Variants in KDM4A observed in about 807,000 individuals in gnomAD.
The protein encoded by KDM4A is lysine-specific demethylase 4A.
In KDM4A, 23 loss-of-function variants were observed where a neutral mutation model predicts 127.1. The ratio of observed to expected loss-of-function variants is 0.18; its 90% confidence interval spans 0.13 to 0.26. KDM4A has a LOEUF of 0.26. KDM4A is among the 10% of genes least tolerant of loss of function. The pLI, the probability that KDM4A is intolerant of heterozygous loss-of-function variation, is 1.00. For missense variants in KDM4A, 890 were observed against 1,329.1 expected (o/e 0.67, Z 5.14); for synonymous variants, 443 against 466.5 (o/e 0.95, Z 0.65).
intron 19 of KDM4A, chr1:43,702,135 C>CT (rs763855377): frequency 6.6e-6 from 1 of 152,152 alleles, no homozygotes; most frequent in Non-Finnish European, 1.5e-5. Context: ...GTGACAAAGG[C>CT]TAATAGTTTA....
chr1:43,657,085 T>C (rs1474190669), intron 3 of KDM4A, among the ~76,000 whole-genome samples: 1 of 151,718 alleles, frequency 6.6e-6, no homozygotes, highest in Non-Finnish European at 1.5e-5. Context: ...TATTTTTTAT[T>C]ATTTGCTGCC....
At chr1:43,697,025 A>T (rs567583799) in intron 18 of KDM4A, among the ~76,000 whole-genome samples, 1 of 152,366 alleles carries the variant, frequency 6.6e-6, no homozygotes, top group East Asian at 1.9e-4. Context: ...ATTAAGTCAG[A>T]TAAGGGGAAT....
intron 4 of KDM4A, among the ~76,000 whole-genome samples, chr1:43,661,038 G>A (rs11590619): frequency 6.6e-6 from 1 of 151,172 alleles, no homozygotes; most frequent in African/African-American, 2.4e-5. Flanking sequence ...GCAATGGCGC[G>A]ATCTCAGCTT....
At chr1:43,700,560 A>G (rs1661363310) in intron 19 of KDM4A, among the ~76,000 whole-genome samples, 1 of 151,072 alleles carries the variant, frequency 6.6e-6, no homozygotes, top group South Asian at 2.1e-4. Context: ...TTGTTGACCA[A>G]GCACCTCCCG....
intron 11 of KDM4A, among the ~76,000 whole-genome samples, chr1:43,683,327 G>A (rs1388797007): frequency 6.6e-6 from 1 of 152,200 alleles, no homozygotes; most frequent in Non-Finnish European, 1.5e-5. Flanking sequence ...TAGGCTCCTT[G>A]GGGGCTCTCT....
intron 11 of KDM4A, among the ~76,000 whole-genome samples, chr1:43,676,513 G>T (rs1352825708): frequency 6.6e-6 from 1 of 152,144 alleles, no homozygotes; most frequent in Middle Eastern, 3.4e-3. Context: ...TAGAGACAGG[G>T]TTTCACCATC....
chr1:43,700,592 G>A (rs1285455440), intron 19 of KDM4A, among the ~76,000 whole-genome samples: 1 of 152,040 alleles, frequency 6.6e-6, no homozygotes, highest in East Asian at 1.9e-4. Flanking sequence ...CTACAGGCAT[G>A]CATGGCTATT....
At chr1:43,672,014 C>T in intron 11 of KDM4A, 139 bp downstream of exon 11, 1 of 953,424 alleles carries the variant, frequency 1.0e-6, no homozygotes, top group Non-Finnish European at 1.4e-6. Context: ...TCAGTCAGTG[C>T]CTCTAGCCAG....
In KDM4A at chr1:43,700,550, T is replaced by C. The variant is rs112297569; in HGVS notation, c.2841+2537T>C. Among the ~76,000 whole-genome samples the C allele has an allele frequency of 1.0e-3, 152 of 152,296 alleles. 3 individuals carry two copies. The Middle Eastern group carries it at 0.014, about 14-fold the overall frequency. On this transcript the variant is annotated intron_variant, in intron 19 of 21. Coordinates refer to ENST00000372396, the MANE Select transcript of KDM4A (RefSeq NM_014663.3). ...TTGTTTTAAGAGATGATGTCTTGCTTTGTTGACCAAGCACCTCCCGAGTAG... is the reference window on the plus strand; with the variant it reads ...TTGTTTTAAGAGATGATGTCTTGCTCTGTTGACCAAGCACCTCCCGAGTAG...
At chr1:43,676,789 A>G (rs1439307436) in intron 11 of KDM4A, among the ~76,000 whole-genome samples, 7 of 152,242 alleles carry the variant, frequency 4.6e-5, no homozygotes, top group Non-Finnish European at 1.5e-5. Flanking sequence ...TGTAAAGATT[A>G]AATCAGTGTA....
chr1:43,704,151 G>A (rs1275824132), intron 21 of KDM4A, 39 bp downstream of exon 21: 1 of 1,613,152 alleles, frequency 6.2e-7, no homozygotes, highest in Middle Eastern at 1.7e-4. Flanking sequence ...CTGTCTTGGA[G>A]GGAGGGAACA....
chr1:43,691,063 A>G lies in KDM4A; in HGVS notation c.2242+14A>G. ...GGGTCCATGCCAGTGAGTGCTGCTC[A>G]CCTTTCTCTGTGTCCTGTCCCAGGA... On this transcript the variant is annotated intron_variant, in intron 14 of 21. Transcript: ENST00000372396. 6.2e-7 allele frequency: 1 copy of G among 1,613,178 alleles called. No individual in the cohort carries two copies. The highest frequency in any genetic ancestry group is 8.5e-7 in the Non-Finnish European group (1 of 1,179,716).
chr1:43,669,145 T>C lies in KDM4A; in HGVS notation c.1209T>C (p.Leu403=). Residue 403 remains leucine (L), a synonymous_variant, in exon 10 of 22, where the codon CTT becomes CTC. Transcript: ENST00000372396. ...GGACAAAGAGGCACCGAGTTTGTCT[T>C]GAAATACCACAGGAGGTGAGTCAGA... is the stretch of plus-strand genomic sequence containing the variant. ...RIGTKRHRVC[L]EIPQEVSQSE... 1.9e-6 allele frequency: 3 copies of C among 1,614,168 alleles called. No individual in the cohort carries two copies. The highest frequency in any genetic ancestry group is 2.5e-6 in the Non-Finnish European group (3 of 1,180,028).
rs767994074 is a variant in KDM4A, at chr1:43,694,910, A to G, written c.2670+16A>G. 1 of 1,585,152 alleles carries G rather than the reference A, an allele frequency of 6.3e-7. No individual in the cohort carries two copies. The highest frequency in any genetic ancestry group is 8.6e-7 in the Non-Finnish European group (1 of 1,157,366). ...TAATTTGGAGGTGAGAGAGGGTGTC[A>G]TTCTAGAATCCTCTTGACAGTTTTC... On this transcript the variant is annotated intron_variant, in intron 18 of 21. Transcript: ENST00000372396. The surrounding 1 kb of genome is among the most constrained non-coding windows in gnomAD (Gnocchi z 5.2).
In KDM4A at chr1:43,657,002, A is replaced by G. The variant is rs114707779; in HGVS notation, c.314+1236A>G. 3.0e-3 allele frequency among the ~76,000 whole-genome samples: 450 copies of G among 152,036 alleles called. 2 individuals carry two copies. Among genetic ancestry groups the G allele is most frequent in the African/African-American group, 9.8e-3 (407 of 41,470 alleles). On this transcript the variant is annotated intron_variant, in intron 3 of 21. Coordinates refer to ENST00000372396, the MANE Select transcript of KDM4A (RefSeq NM_014663.3). Reference sequence around the variant, plus strand: ...ACTGCAGCCTCGACTGCCCAGGCTCAAAATGATCCTCCTTGCTCAGCCTCC... The same window carrying G: ...ACTGCAGCCTCGACTGCCCAGGCTCGAAATGATCCTCCTTGCTCAGCCTCC...
intron 3 of KDM4A, among the ~76,000 whole-genome samples, chr1:43,656,928 C>CCGT (rs1002417008): frequency 1.1e-4 from 16 of 151,838 alleles, no homozygotes; most frequent in Non-Finnish European, 1.9e-4. Context: ...CGGGGTTTCA[C>CCGT]CGTCTCTACT....
chr1:43,669,024 T>C (rs1660560648), intron 9 of KDM4A, 76 bp from the exon 10 acceptor site: 5 of 1,471,822 alleles, frequency 3.4e-6, no homozygotes, highest in Non-Finnish European at 4.7e-6. Flanking sequence ...TTGGGTTGTG[T>C]GTGGATGTGT....
chr1:43,655,924 CCCT>C (rs1184896145), intron 3 of KDM4A, among the ~76,000 whole-genome samples, 158 bp downstream of exon 3: 2 of 152,110 alleles, frequency 1.3e-5, no homozygotes, highest in Non-Finnish European at 2.9e-5. Context: ...TGGAAGCATT[CCCT>C]CCTCTCAGGA....
At chr1:43,660,189 C>G (rs1660339438) in intron 3 of KDM4A, 109 bp from the exon 4 acceptor site, 1 of 1,212,270 alleles carries the variant, frequency 8.2e-7, no homozygotes, top group Non-Finnish European at 1.2e-6. Context: ...ATGCCTTGTT[C>G]ATTTGAAATT....
Sources: allele counts gnomAD v4.1 joint callset (sites outside exome capture counted in the v4.1 genomes callset), GRCh38; gene constraint gnomAD v4.1.1; non-coding constraint Gnocchi (gnomAD v3.1); transcripts MANE v1.5; gene names NCBI Gene and HGNC (gene_info 2026-07-23, HGNC 2026-07-21).